The following MLIP variants were observed in gnomAD, a reference collection of about 807,000 sequenced individuals.
MLIP encodes muscular LMNA interacting protein, also known as muscular LMNA-interacting protein.
A neutral mutation model predicts 84.8 loss-of-function variants in MLIP; 79 were observed. The observed-to-expected ratio is 0.93, with a 90% confidence interval of 0.78 to 1.12. The LOEUF (loss-of-function observed/expected upper bound fraction) is 1.12. Among genes scored for constraint, MLIP ranks in the 50% most tolerant of loss-of-function variants. MLIP has a pLI of 0.00. For synonymous variants in MLIP, 504 were observed against 463.0 expected (o/e 1.09, Z -1.14); for missense variants, 1,257 against 1,160.6 (o/e 1.08, Z -1.21).
At chr6:54,109,430 G>A (rs886984681), upstream of MLIP, among the ~76,000 whole-genome samples, 1 of 152,114 alleles carries the variant, frequency 6.6e-6, no homozygotes, top group African/African-American at 2.4e-5. Context: ...ACAGGTGAGA[G>A]GACTGAGCCT....
chr6:54,100,855 G>A (rs781656138), intron 1 of MLIP, among the ~76,000 whole-genome samples: 2 of 151,972 alleles, frequency 1.3e-5, no homozygotes, highest in Admixed American at 1.3e-4. Context: ...AAAACACATT[G>A]GCAAACTGTA....
At chr6:54,103,803 T>A (rs895269697) in intron 1 of MLIP, among the ~76,000 whole-genome samples, 1 of 152,194 alleles carries the variant, frequency 6.6e-6, no homozygotes, top group Non-Finnish European at 1.5e-5. Context: ...TCTTTATACT[T>A]ACATTTAGCC....
rs1261214194 is a variant in MLIP at position 54,137,247 on chromosome 6, G to A, written c.1178G>A (p.Ser393Asn). 43 of 1,535,872 alleles carry A rather than the reference G, an allele frequency of 2.8e-5. No individual in the cohort carries two copies. The highest frequency in any genetic ancestry group is 3.7e-5 in the Non-Finnish European group (43 of 1,146,914). ...CACGGCTCTTCTTCCACCATCTGCA[G>A]CCAAATGTCATCTAGTGGAAATCTT... ...SFHGSSSTICSQMSSSGNLSK... is the reference protein window; with the variant it reads ...SFHGSSSTICNQMSSSGNLSK... The change falls in exon 4 of 14, where the codon AGC (serine) becomes AAC (asparagine). Residue 393 changes from serine to asparagine, a missense_variant. By Grantham distance (46) the Ser-to-Asn change is conservative (BLOSUM62 1). Coordinates refer to ENST00000502396, the MANE Select transcript of MLIP (RefSeq NM_001281747.2).
intron 11 of MLIP, among the ~76,000 whole-genome samples, chr6:54,228,451 C>T (rs1477244266): frequency 6.6e-6 from 1 of 152,152 alleles, no homozygotes; most frequent in Non-Finnish European, 1.5e-5. Flanking sequence ...CTCTTTTGCT[C>T]GTCCAAGTGC....
At chr6:54,066,528 C>T (rs1766233567) in intron 1 of MLIP, among the ~76,000 whole-genome samples, 1 of 75,792 alleles carries the variant, frequency 1.3e-5, no homozygotes, top group Non-Finnish European at 3.9e-5. Context: ...TATGCACAAC[C>T]ATCTGAATAT....
intron 1 of MLIP, among the ~76,000 whole-genome samples, chr6:54,113,563 G>T (rs1230308499): frequency 6.6e-6 from 1 of 152,068 alleles, no homozygotes; most frequent in South Asian, 2.1e-4. Context: ...ATCTTTAAAG[G>T]CGAAAAGAAT....
chr6:54,266,211 A>G lies in MLIP; in HGVS notation c.*256A>G. 2.3e-6 allele frequency: 1 copy of G among 444,438 alleles called. No homozygotes were observed. 27.5% of individuals were successfully genotyped at this position (444,438 alleles called of 1,614,324 possible). A position where few individuals can be genotyped will look rare whatever the true frequency, so the allele number is the denominator to read the frequency against. On this transcript the variant is annotated 3_prime_UTR_variant, in exon 14 of 14. Coordinates refer to ENST00000502396, the MANE Select transcript of MLIP (RefSeq NM_001281747.2). ...CCTTTAATGCCTTCTACTTAATATT[A>G]AGCTGACCGCAATACTAACGTGCCC...
chr6:54,260,408 A>G (rs1759926772), intron 13 of MLIP, among the ~76,000 whole-genome samples: 1 of 152,040 alleles, frequency 6.6e-6, no homozygotes. Flanking sequence ...ACAGAAATCC[A>G]TTCCAGACAA....
chr6:54,230,458 T>C (rs760723243), intron 11 of MLIP, among the ~76,000 whole-genome samples: 6 of 152,136 alleles, frequency 3.9e-5, no homozygotes, highest in Admixed American at 6.6e-5. Context: ...ATAAACCTGG[T>C]ACCCTTCAGG....
At chr6:54,258,671 G>A (rs1457973829) in intron 13 of MLIP, among the ~76,000 whole-genome samples, 3 of 151,916 alleles carry the variant, frequency 2.0e-5, no homozygotes, top group East Asian at 3.9e-4. Context: ...TTTATTGAGA[G>A]GTTACTATAC....
intron 1 of MLIP, among the ~76,000 whole-genome samples, chr6:54,020,705 G>T (rs1429167668): frequency 6.6e-6 from 1 of 152,172 alleles, no homozygotes; most frequent in Admixed American, 6.5e-5. Context: ...TATAAATCTA[G>T]AAGTGAGCAA....
intron 4 of MLIP, 49 bp downstream of exon 4, chr6:54,138,335 A>G: frequency 6.8e-7 from 1 of 1,472,576 alleles, no homozygotes. Flanking sequence ...AACAGGGAAG[A>G]ATCTTTTTTT....
intron 10 of MLIP, among the ~76,000 whole-genome samples, chr6:54,192,068 A>C (rs924876676): frequency 6.6e-6 from 1 of 151,718 alleles, no homozygotes; most frequent in Non-Finnish European, 1.5e-5. Context: ...AATAAAAAAA[A>C]CTTACTTTTT....
intron 12 of MLIP, among the ~76,000 whole-genome samples, chr6:54,250,622 A>G (rs1402581948): frequency 2.6e-5 from 4 of 152,166 alleles, no homozygotes; most frequent in Admixed American, 6.6e-5. Context: ...TACAGATGAC[A>G]CTGAAGTGAA....
intron 8 of MLIP, among the ~76,000 whole-genome samples, chr6:54,163,373 T>G (rs948909738): frequency 2.6e-5 from 4 of 151,896 alleles, no homozygotes; most frequent in African/African-American, 9.7e-5. Context: ...TTGCAATTCT[T>G]GTTATGTTAG....
intron 1 of MLIP, among the ~76,000 whole-genome samples, chr6:54,089,807 C>T (rs368384555): frequency 4.6e-5 from 7 of 152,124 alleles, no homozygotes; most frequent in African/African-American, 1.7e-4. Context: ...CGATCTTCAA[C>T]ATTTTCAAAA....
chr6:54,116,766 C>T (rs770639607), intron 1 of MLIP, among the ~76,000 whole-genome samples: 4 of 152,122 alleles, frequency 2.6e-5, no homozygotes, highest in Non-Finnish European at 5.9e-5. Flanking sequence ...TACCCTGATG[C>T]CAAAACCAGA....
At chr6:54,151,272 A>G (rs866056763) in intron 5 of MLIP, among the ~76,000 whole-genome samples, 39 of 152,156 alleles carry the variant, frequency 2.6e-4, no homozygotes, top group South Asian at 2.1e-4. Flanking sequence ...TAAAATATCA[A>G]AGCCTTATCT....
chr6:54,204,408 A>G (rs1778902422), intron 11 of MLIP, among the ~76,000 whole-genome samples: 1 of 152,218 alleles, frequency 6.6e-6, no homozygotes, highest in Admixed American at 6.5e-5. Context: ...TTTAGACAGT[A>G]TGGGATAATT....
Sources: allele counts gnomAD v4.1 joint callset (sites outside exome capture counted in the v4.1 genomes callset), GRCh38; gene constraint gnomAD v4.1.1; transcripts MANE v1.5; gene names NCBI Gene and HGNC (gene_info 2026-07-23, HGNC 2026-07-21).